The following TRPM7 variants were observed in gnomAD, a reference collection of about 807,000 sequenced individuals.
The protein encoded by TRPM7 is transient receptor potential cation channel subfamily M member 7, also known as LTRPC ion channel family member 7.
TRPM7 carries 134 observed loss-of-function variants against 229.7 expected under a neutral mutation model. The observed-to-expected ratio is 0.58, with a 90% confidence interval of 0.51 to 0.67. The LOEUF (loss-of-function observed/expected upper bound fraction) is 0.67, where lower values mean the gene tolerates loss of function less well. Among genes scored for constraint, TRPM7 ranks in the 30% least tolerant of loss-of-function variants. The probability of loss-of-function intolerance (pLI) is 0.00; values close to 1 mark genes in which losing one functional copy is unlikely to be tolerated. For synonymous variants in TRPM7, 699 were observed against 715.2 expected (o/e 0.98, Z 0.36); for missense variants, 1,901 against 2,210.0 (o/e 0.86, Z 2.80).
chr15:50,557,599 G>A lies in TRPM7; in HGVS notation c.*4079C>T, dbSNP rs1185852522. On this transcript the variant is annotated 3_prime_UTR_variant, in exon 39 of 39. Coordinates refer to ENST00000646667, the MANE Select transcript of TRPM7 (RefSeq NM_017672.6). ...TGTAAAATAATAGCATACATATATC[G>A]ACAGACTGAAGAAGGTATACTATTA... 2 of 151,918 alleles carry A rather than the reference G, an allele frequency of 1.3e-5. No homozygotes were observed. Among genetic ancestry groups the A allele is most frequent in the Admixed American group, 6.6e-5 (1 of 15,252 alleles). The allele number at this position is 151,918 out of a possible 1,614,324, so 9.4% of individuals were successfully genotyped here. A position where few individuals can be genotyped will look rare whatever the true frequency, so the allele number is the denominator to read the frequency against.
In TRPM7 at chr15:50,654,415, C is replaced by T. The variant is rs575980918; in HGVS notation, c.122+3366G>A. ...TGAGCTGAGATTGCAGCACTGCACT[C>T]CAGCCTGGGCAACAGAACAAGACAC... On this transcript the variant is annotated intron_variant, in intron 3 of 38. Transcript: ENST00000646667. 2.7e-5 allele frequency among the ~76,000 whole-genome samples: 4 copies of T among 150,896 alleles called. No individual in the cohort carries two copies. In the South Asian group the frequency reaches 8.4e-4, roughly 32 times the overall value.
chr15:50,589,801 T>C, intron 26 of TRPM7, 145 bp from the exon 27 acceptor site: 4 of 501,518 alleles, frequency 8.0e-6, no homozygotes, highest in Non-Finnish European at 1.4e-5. Context: ...TTAGCTCTTT[T>C]GATAAATAAA....
intron 27 of TRPM7, among the ~76,000 whole-genome samples, chr15:50,587,065 A>G (rs998465195): frequency 3.9e-5 from 6 of 152,126 alleles, no homozygotes; most frequent in African/African-American, 9.7e-5. Flanking sequence ...AAAAAGTTGG[A>G]AAAATATACA....
intron 10 of TRPM7, 84 bp from the exon 11 acceptor site, chr15:50,628,333 G>A (rs2140624387): frequency 1.1e-6 from 1 of 905,028 alleles, no homozygotes; most frequent in Non-Finnish European, 1.8e-6. Flanking sequence ...TTTAAGAGAT[G>A]GGGTCTTGGT....
At position 50,561,380 on chromosome 15, in the gene TRPM7, A is replaced by G; in HGVS notation, c.*298T>C. ...ATTGTACCACATAAGAGAGAGCATC[A>G]CCCTCATCAAAACAAAGTCAAATGA... On this transcript the variant is annotated 3_prime_UTR_variant, in exon 39 of 39. Coordinates refer to ENST00000646667, the MANE Select transcript of TRPM7 (RefSeq NM_017672.6). 3.8e-6 allele frequency: 1 copy of G among 263,182 alleles called. No individual in the cohort carries two copies. Among genetic ancestry groups the G allele is most frequent in the Non-Finnish European group, 7.1e-6 (1 of 140,076 alleles). The allele number at this position is 263,182 out of a possible 1,614,324, so 16.3% of individuals were successfully genotyped here. A position where few individuals can be genotyped will look rare whatever the true frequency, so the allele number is the denominator to read the frequency against.
intron 19 of TRPM7, among the ~76,000 whole-genome samples, chr15:50,607,594 A>C (rs1221958055): frequency 6.6e-6 from 1 of 152,182 alleles, no homozygotes; most frequent in Non-Finnish European, 1.5e-5. Flanking sequence ...GGGATTTTAC[A>C]ATCAGGTTTA....
intron 4 of TRPM7, among the ~76,000 whole-genome samples, chr15:50,643,920 T>C (rs1384469336): frequency 2.1e-5 from 3 of 145,186 alleles, no homozygotes; most frequent in Non-Finnish European, 4.6e-5. Context: ...CTGAAGAGGA[T>C]CGGAAAAGGA....
intron 4 of TRPM7, among the ~76,000 whole-genome samples, chr15:50,647,857 T>C (rs1026721362): frequency 1.1e-4 from 17 of 152,236 alleles, no homozygotes; most frequent in African/African-American, 3.6e-4. Context: ...ATTGAGCCTA[T>C]ACTAAACATG....
intron 23 of TRPM7, 119 bp from the exon 24 acceptor site, chr15:50,594,732 A>T: frequency 1.5e-6 from 1 of 673,080 alleles, no homozygotes; most frequent in Non-Finnish European, 2.3e-6. Flanking sequence ...ATCCTTCTGT[A>T]AACAAAACTA....
intron 2 of TRPM7, among the ~76,000 whole-genome samples, chr15:50,662,606 G>C (rs1375036441): frequency 6.6e-6 from 1 of 152,104 alleles, no homozygotes; most frequent in Non-Finnish European, 1.5e-5. Flanking sequence ...ATACCCAGTA[G>C]ATGCCCAATA....
intron 30 of TRPM7, among the ~76,000 whole-genome samples, chr15:50,578,956 A>G (rs1361699877): frequency 6.6e-6 from 1 of 152,064 alleles, no homozygotes; most frequent in Non-Finnish European, 1.5e-5. Flanking sequence ...CTATACTAAT[A>G]AACTATTTCA....
In TRPM7 at chr15:50,561,418, T is replaced by C. The variant is rs1469062502; in HGVS notation, c.*260A>G. ...CAAAGTCAAATGAGATCCTCTGCTA[T>C]ACAAAGAGCCCTTTAAAAAGTTATA... On this transcript the variant is annotated 3_prime_UTR_variant, in exon 39 of 39. Coordinates refer to ENST00000646667, the MANE Select transcript of TRPM7 (RefSeq NM_017672.6). The C allele has an allele frequency of 8.3e-6, 3 of 360,656 alleles. No homozygotes were observed. The highest frequency in any genetic ancestry group is 5.5e-5 in the East Asian group (1 of 18,140). 22.3% of individuals were successfully genotyped at this position (360,656 alleles called of 1,614,324 possible).
At position 50,597,551 on chromosome 15, in the gene TRPM7, G is replaced by C. The variant is rs145843384; in HGVS notation, c.3164-1170C>G. 4.2e-3 allele frequency among the ~76,000 whole-genome samples: 632 copies of C among 152,240 alleles called. 7 individuals carry two copies. Among genetic ancestry groups the C allele is most frequent in the African/African-American group, 0.014 (592 of 41,542 alleles). On this transcript the variant is annotated intron_variant, in intron 22 of 38. Transcript: ENST00000646667. ...GAAGCAAATACCCAAGAAAGAGAAT[G>C]CAGGAAACTAAAAAACTATACTCAA...
intron 21 of TRPM7, among the ~76,000 whole-genome samples, chr15:50,600,163 A>G (rs2059738537): frequency 6.6e-6 from 1 of 152,240 alleles, no homozygotes; most frequent in African/African-American, 2.4e-5. Context: ...ACGACCAGGA[A>G]CAGTGACTCA....
chr15:50,628,505 T>C (rs889396248), intron 10 of TRPM7, among the ~76,000 whole-genome samples: 1 of 152,088 alleles, frequency 6.6e-6, no homozygotes, highest in African/African-American at 2.4e-5. Context: ...ACAGTCTCAC[T>C]CTGCTGACCA....
intron 2 of TRPM7, among the ~76,000 whole-genome samples, chr15:50,659,242 C>T (rs1048022149): frequency 1.3e-5 from 2 of 151,056 alleles, no homozygotes; most frequent in African/African-American, 4.9e-5. Flanking sequence ...AGATAAGTTA[C>T]AGTCACAGTG....
rs2140986848 is a variant in TRPM7, at chr15:50,681,741, G to A, written c.3+4790C>T. Among the ~76,000 whole-genome samples, 2 of 152,318 alleles carry A rather than the reference G, an allele frequency of 1.3e-5. 1 individual carries two copies. Among genetic ancestry groups the A allele is most frequent in the South Asian group, 4.1e-4 (2 of 4,826 alleles). ...TAAGGTTTCCAGAAGTCTGGCAGCT[G>A]GATAGTTAAGGTGTTATGTTATTGA... On this transcript the variant is annotated intron_variant, in intron 1 of 38. Transcript: ENST00000646667.
At chr15:50,590,973 A>G (rs1297503662) in intron 26 of TRPM7, among the ~76,000 whole-genome samples, 1 of 152,190 alleles carries the variant, frequency 6.6e-6, no homozygotes, top group Non-Finnish European at 1.5e-5. Context: ...GCAATTTTCC[A>G]TGGGCTTATT....
chr15:50,622,623 C>T (rs600724), intron 12 of TRPM7, among the ~76,000 whole-genome samples: 11,842 of 152,296 alleles, frequency 0.078, 573 homozygotes, highest in South Asian at 0.12. Context: ...CAGTGGCTCA[C>T]GCCTGTAATC....
Sources: gnomAD v4.1 joint callset for allele counts (sites outside exome capture counted in the v4.1 genomes callset) on GRCh38, gnomAD v4.1.1 for gene constraint, MANE v1.5 for transcripts, NCBI Gene and HGNC (gene_info 2026-07-23, HGNC 2026-07-21) for gene names.